EPHA6: variants seen among roughly 807,000 people sequenced by gnomAD.
EPHA6 encodes the protein ephrin type-A receptor 6.
EPHA6 carries 50 observed loss-of-function variants against 112.0 expected under a neutral mutation model. The ratio of observed to expected loss-of-function variants is 0.45; its 90% confidence interval spans 0.36 to 0.56. The LOEUF is 0.56. Among genes scored for constraint, EPHA6 ranks in the 20% least tolerant of loss-of-function variants. The probability of loss-of-function intolerance (pLI) is 0.00; values close to 1 mark genes in which losing one functional copy is unlikely to be tolerated. For synonymous variants in EPHA6, 529 were observed against 490.7 expected, an observed-to-expected ratio of 1.08 and a Z score of -1.03; for missense variants, 1,280 against 1,417.4, an observed-to-expected ratio of 0.90 and a Z score of 1.56.
intron 13 of EPHA6, among the ~76,000 whole-genome samples, chr3:97,612,666 G>A (rs537087906): frequency 1.3e-5 from 2 of 151,998 alleles, no homozygotes; most frequent in Non-Finnish European, 2.9e-5. Flanking sequence ...CTCTTATTAT[G>A]TACTGTGTAT....
At chr3:97,398,382 A>G (rs1270623567) in intron 5 of EPHA6, among the ~76,000 whole-genome samples, 2 of 151,626 alleles carry the variant, frequency 1.3e-5, no homozygotes, top group East Asian at 1.9e-4. Flanking sequence ...GATTTAATAT[A>G]TTATTACACT....
At position 97,626,741 on chromosome 3, in the gene EPHA6, T is replaced by G. The variant is rs1012750478; in HGVS notation, c.2575-11132T>G. On this transcript the variant is annotated intron_variant, in intron 13 of 17. Coordinates refer to ENST00000389672, the MANE Select transcript of EPHA6 (RefSeq NM_001080448.3). ...ATACCAGTTTGCAAGAGCTGGTTGA[T>G]AAACTATTAGTAGCTTAAAATTTGC... Among the ~76,000 whole-genome samples the G allele has an allele frequency of 9.9e-5, 15 of 151,846 alleles. No individual in the cohort carries two copies. In the East Asian group the frequency reaches 1.9e-3, roughly 20 times the overall value.
chr3:97,364,244 C>T (rs1202384479), intron 5 of EPHA6, among the ~76,000 whole-genome samples: 1 of 151,644 alleles, frequency 6.6e-6, no homozygotes, highest in African/African-American at 2.4e-5. Flanking sequence ...ACAGAGAAAG[C>T]CAGAAGGGAG....
intron 11 of EPHA6, among the ~76,000 whole-genome samples, chr3:97,537,581 T>TTTTG (rs138411883): frequency 1.3e-5 from 2 of 152,120 alleles, no homozygotes; most frequent in African/African-American, 2.4e-5. Context: ...TCTAGTCAAC[T>TTTTG]TTTGTTTGTT....
At chr3:97,424,771 A>T (rs1209723082) in intron 6 of EPHA6, among the ~76,000 whole-genome samples, 1 of 148,010 alleles carries the variant, frequency 6.8e-6, no homozygotes, top group Non-Finnish European at 1.5e-5. Flanking sequence ...ACGCCATTGC[A>T]CTCCAGCTTG....
At chr3:97,559,028 G>A (rs4857063) in intron 11 of EPHA6, among the ~76,000 whole-genome samples, 134,392 of 152,050 alleles carry the variant, frequency 0.88, 59,640 homozygotes, top group African/African-American at 0.97. Context: ...CATTTAAAAA[G>A]TATTGGAAAT....
chr3:97,599,740 G>T (rs952187832), intron 12 of EPHA6, among the ~76,000 whole-genome samples: 1 of 152,112 alleles, frequency 6.6e-6, no homozygotes, highest in Admixed American at 6.6e-5. Context: ...GGATTGACTT[G>T]GTGATGCGGG....
chr3:97,637,943 A>G lies in EPHA6; in HGVS notation c.2645A>G (p.Tyr882Cys). 1 of 1,613,992 alleles carries G rather than the reference A, an allele frequency of 6.2e-7. No homozygotes were observed. Among genetic ancestry groups the G allele is most frequent in the African/African-American group, 1.3e-5 (1 of 75,074 alleles). ...MLRGIASGMK[Y>C]LSDMGYVHRD... The stretch of plus-strand genomic sequence containing the variant: ...CGAGGCATTGCATCAGGCATGAAGT[A>G]TCTTTCTGATATGGGTTATGTTCAT... The change falls in exon 14 of 18, where the codon TAT (tyrosine) becomes TGT (cysteine). Residue 882 changes from tyrosine (Y) to cysteine (C), a missense_variant. By Grantham distance (194) the Tyr-to-Cys change is radical. This residue lies in a region of EPHA6 where 878 missense variants were observed against 999.7 expected (regional missense o/e 0.88). Coordinates refer to ENST00000389672, the MANE Select transcript of EPHA6 (RefSeq NM_001080448.3).
intron 11 of EPHA6, among the ~76,000 whole-genome samples, chr3:97,537,285 G>T (rs2092777628): frequency 6.6e-6 from 1 of 152,076 alleles, no homozygotes; most frequent in Admixed American, 6.6e-5. Context: ...TCAGCTCCTA[G>T]TTAAGGTAGG....
chr3:97,610,217 T>A (rs1003964848), intron 12 of EPHA6, among the ~76,000 whole-genome samples: 1 of 151,592 alleles, frequency 6.6e-6, no homozygotes, highest in Non-Finnish European at 1.5e-5. Flanking sequence ...CTATTACAAA[T>A]CCTACAAGCT....
At chr3:97,706,947 G>A (rs2033710312) in intron 14 of EPHA6, among the ~76,000 whole-genome samples, 1 of 152,050 alleles carries the variant, frequency 6.6e-6, no homozygotes, top group African/African-American at 2.4e-5. Flanking sequence ...TGTGACTCTA[G>A]CACCTGGCAT....
At chr3:97,501,327 G>C (rs1326225273) in intron 10 of EPHA6, among the ~76,000 whole-genome samples, 1 of 151,274 alleles carries the variant, frequency 6.6e-6, no homozygotes, top group East Asian at 1.9e-4. Flanking sequence ...TCTATCTTAT[G>C]AATATATAGA....
intron 3 of EPHA6, among the ~76,000 whole-genome samples, chr3:97,037,944 A>G (rs1470534520): frequency 1.3e-5 from 2 of 152,078 alleles, no homozygotes; most frequent in Non-Finnish European, 2.9e-5. Flanking sequence ...CATTGTGAGC[A>G]TGTTAAATAT....
chr3:96,922,388 G>A (rs1338703659), intron 2 of EPHA6, among the ~76,000 whole-genome samples: 3 of 152,058 alleles, frequency 2.0e-5, no homozygotes, highest in Non-Finnish European at 2.9e-5. Flanking sequence ...AGATGAAAAA[G>A]GAAGAAACGT....
chr3:97,421,188 A>G (rs1419347254), intron 6 of EPHA6, among the ~76,000 whole-genome samples: 1 of 152,062 alleles, frequency 6.6e-6, no homozygotes, highest in Non-Finnish European at 1.5e-5. Flanking sequence ...CGCCATTCCA[A>G]TGGGATAAAA....
At chr3:97,274,294 G>T (rs949696199) in intron 5 of EPHA6, among the ~76,000 whole-genome samples, 1 of 151,738 alleles carries the variant, frequency 6.6e-6, no homozygotes, top group Non-Finnish European at 1.5e-5. Flanking sequence ...GGCCATGAGG[G>T]ACAGAAGTTG....
chr3:97,724,617 A>G (rs2034676378), intron 15 of EPHA6, among the ~76,000 whole-genome samples: 1 of 152,062 alleles, frequency 6.6e-6, no homozygotes, highest in African/African-American at 2.4e-5. Flanking sequence ...TATAGAAAAA[A>G]TTAGCTGGGT....
At chr3:97,405,069 C>A in intron 5 of EPHA6, 81 bp from the exon 6 acceptor site, 2 of 1,458,864 alleles carry the variant, frequency 1.4e-6, no homozygotes, top group South Asian at 1.3e-5. Context: ...TTTTATTTTC[C>A]TTGGAAGAGA....
chr3:97,222,040 AAACC>A (rs1322806480), intron 3 of EPHA6, among the ~76,000 whole-genome samples: 5 of 151,862 alleles, frequency 3.3e-5, no homozygotes, highest in Non-Finnish European at 7.4e-5. Context: ...AAAAAAAAAA[AAACC>A]AACCAACAAA....
Sources: allele counts gnomAD v4.1 joint callset (sites outside exome capture counted in the v4.1 genomes callset), GRCh38; gene constraint gnomAD v4.1.1; regional missense constraint gnomAD v4.1.1; transcripts MANE v1.5; gene names NCBI Gene and HGNC (gene_info 2026-07-23, HGNC 2026-07-21).